The following TMC5 variants were observed in gnomAD, a reference collection of about 807,000 sequenced individuals.
The protein encoded by TMC5 is transmembrane channel like 5, also known as transmembrane channel-like protein 5.
TMC5 carries 86 observed loss-of-function variants against 110.5 expected under a neutral mutation model. The observed-to-expected ratio is 0.78, with a 90% CI of 0.65 to 0.93. The LOEUF is 0.93. TMC5 is among the 40% of genes least tolerant of loss of function. The pLI is 0.00. For missense variants in TMC5, 1,144 were observed against 1,222.8 expected (o/e 0.94, Z 0.96); for synonymous variants, 455 against 439.5 (o/e 1.04, Z -0.44).
chr16:19,469,774 T>C lies in TMC5; in HGVS notation c.1731T>C (p.Thr577=). The C allele has an allele frequency of 6.2e-7, 1 of 1,614,186 alleles. No homozygotes were observed. Among genetic ancestry groups the C allele is most frequent in the Non-Finnish European group, 8.5e-7 (1 of 1,180,018 alleles). ...KLIFCWDFTV[T]HEKAVKLKQK... Reference sequence around the variant, plus strand: ...TCTTTTGCTGGGACTTCACTGTCACTCATGAAAAAGCTGTGAAGCTAAAAC... The same window carrying C: ...TCTTTTGCTGGGACTTCACTGTCACCCATGAAAAAGCTGTGAAGCTAAAAC... The change falls in exon 10 of 22, where the codon ACT becomes ACC. Residue 577 remains threonine (T), a synonymous_variant. Transcript: ENST00000542583.
chr16:19,447,613 C>A (rs1387802405), intron 4 of TMC5, among the ~76,000 whole-genome samples: 1 of 152,026 alleles, frequency 6.6e-6, no homozygotes, highest in Non-Finnish European at 1.5e-5. Context: ...AGACAAAATG[C>A]CCGCTCTTTA....
At chr16:19,481,528 G>C (rs1968619651) in intron 15 of TMC5, 63 bp downstream of exon 15, 1 of 1,209,790 alleles carries the variant, frequency 8.3e-7, no homozygotes, top group African/African-American at 1.5e-5. Context: ...CTGGTGTTTT[G>C]GTGGCAAAGT....
chr16:19,471,910 A>G (rs1219460173), intron 10 of TMC5, among the ~76,000 whole-genome samples, 178 bp from the exon 11 acceptor site: 1 of 151,956 alleles, frequency 6.6e-6, no homozygotes, highest in Non-Finnish European at 1.5e-5. Context: ...ACAGGCATGC[A>G]CCACCACGCC....
chr16:19,492,431 A>T, intron 19 of TMC5: 1 of 396,500 alleles, frequency 2.5e-6, no homozygotes, highest in South Asian at 8.7e-5. Flanking sequence ...GTATTTATTT[A>T]TTTTAATTAT....
At chr16:19,443,951 G>A in intron 3 of TMC5, 130 bp from the exon 4 acceptor site, 2 of 900,794 alleles carry the variant, frequency 2.2e-6, no homozygotes, top group Non-Finnish European at 3.4e-6. Context: ...ATGGATGGAT[G>A]GATGGATAAA....
At chr16:19,486,451 A>ACTGCAACCTCCGCCTCC (rs1968743462) in intron 15 of TMC5, among the ~76,000 whole-genome samples, 1 of 152,118 alleles carries the variant, frequency 6.6e-6, no homozygotes, top group Admixed American at 6.5e-5. Context: ...ATCTCGGCTC[A>ACTGCAACCTCCGCCTCC]CTGCAACCTC....
At chr16:19,455,831 C>T (rs931162815) in intron 5 of TMC5, among the ~76,000 whole-genome samples, 7 of 152,130 alleles carry the variant, frequency 4.6e-5, no homozygotes, top group African/African-American at 9.7e-5. Flanking sequence ...TAGCAGAGTC[C>T]ACTACCTAAG....
chr16:19,494,178 C>T, intron 19 of TMC5, 84 bp from the exon 20 acceptor site: 2 of 1,089,302 alleles, frequency 1.8e-6, no homozygotes, highest in South Asian at 1.4e-5. Flanking sequence ...AACCGACGTT[C>T]TTCCCATCAA....
At position 19,469,729 on chromosome 16, in the gene TMC5, C is replaced by T. The variant is rs1567316980; in HGVS notation, c.1686C>T (p.Ser562=). The T allele has an allele frequency of 5.0e-6, 8 of 1,614,132 alleles. No individual in the cohort carries two copies. The highest frequency in any genetic ancestry group is 6.8e-6 in the Non-Finnish European group (8 of 1,180,006). ...RNNFINPHIY[S]GGITKLIFCW... ...ACTTCATTAATCCCCACATTTACTC[C>T]GGAGGGATCACCAAGCTGATCTTTT... The change falls in exon 10 of 22, where the codon TCC becomes TCT. Residue 562 remains serine (S), a synonymous_variant. Coordinates refer to ENST00000542583, the MANE Select transcript of TMC5 (RefSeq NM_001261841.2).
chr16:19,481,593 G>A, intron 15 of TMC5, 128 bp downstream of exon 15: 1 of 696,580 alleles, frequency 1.4e-6, no homozygotes, highest in Non-Finnish European at 2.6e-6. Context: ...CAGCCAGTCT[G>A]AGAACCATGA....
At chr16:19,443,940 G>GATGGATGGATGGATGGATAA (rs1207002238) in intron 3 of TMC5, 141 bp from the exon 4 acceptor site, 10 of 790,338 alleles carry the variant, frequency 1.3e-5, no homozygotes, top group Non-Finnish European at 1.6e-5. Flanking sequence ...TACATGGATG[G>GATGGATGGATGGATGGATAA]ATGGATGGAT....
intron 2 of TMC5, among the ~76,000 whole-genome samples, chr16:19,436,501 T>C (rs1009960804): frequency 6.6e-6 from 1 of 152,172 alleles, no homozygotes; most frequent in African/African-American, 2.4e-5. Flanking sequence ...AGAATACAAG[T>C]AAACAAATGC....
chr16:19,435,414 A>G (rs1420018865), intron 2 of TMC5, among the ~76,000 whole-genome samples: 3 of 151,920 alleles, frequency 2.0e-5, no homozygotes, highest in Non-Finnish European at 4.4e-5. Flanking sequence ...AGGCAGAAGA[A>G]TGGCGTGAAC....
chr16:19,451,306 C>T lies in TMC5; in HGVS notation c.1048+1675C>T, dbSNP rs142705854. Among the ~76,000 whole-genome samples the T allele has an allele frequency of 9.3e-4, 141 of 152,218 alleles. 1 individual carries two copies. In the East Asian group the frequency reaches 0.019, roughly 20 times the overall value. Reference sequence around the variant, plus strand: ...TAGAACTCTCACCTTTCAGCCCCATCGCCTATAAGATAACCGTTAGCCTCA... The same window carrying T: ...TAGAACTCTCACCTTTCAGCCCCATTGCCTATAAGATAACCGTTAGCCTCA... On this transcript the variant is annotated intron_variant, in intron 5 of 21. Coordinates refer to ENST00000542583, the MANE Select transcript of TMC5 (RefSeq NM_001261841.2).
Position 19,485,766 on chromosome 16 carries a change from C to T in TMC5, c.2364-1179C>T, listed in dbSNP as rs1968725367. Among the ~76,000 whole-genome samples the T allele has an allele frequency of 3.9e-5, 6 of 152,372 alleles. No individual in the cohort carries two copies. The Middle Eastern group carries it at 0.014, about 346-fold the overall frequency. On this transcript the variant is annotated intron_variant, in intron 15 of 21. Coordinates refer to ENST00000542583, the MANE Select transcript of TMC5 (RefSeq NM_001261841.2). ...GCTAAGGCTCTCAGCCCGAAGCCTA[C>T]TCCTTTCTTGTTAAAAAATGGGAGA...
intron 17 of TMC5, among the ~76,000 whole-genome samples, chr16:19,488,116 G>A (rs922795945): frequency 6.6e-6 from 1 of 152,114 alleles, no homozygotes; most frequent in Non-Finnish European, 1.5e-5. Flanking sequence ...TGCGGGTGTG[G>A]GATCTGGATT....
upstream of TMC5, among the ~76,000 whole-genome samples, chr16:19,413,714 G>T (rs1480423268): frequency 1.3e-5 from 2 of 151,926 alleles, no homozygotes; most frequent in Admixed American, 1.3e-4. Context: ...TGCCTGTTCT[G>T]CTTACCATGT....
chr16:19,436,843 G>T (rs751829384), intron 2 of TMC5, among the ~76,000 whole-genome samples: 37 of 152,058 alleles, frequency 2.4e-4, no homozygotes, highest in Middle Eastern at 6.8e-3. Flanking sequence ...TCACTCTTAG[G>T]CCCTTCTCTA....
intron 7 of TMC5, 56 bp from the exon 8 acceptor site, chr16:19,463,720 A>T: frequency 6.3e-7 from 1 of 1,583,424 alleles, no homozygotes; most frequent in Non-Finnish European, 8.6e-7. Context: ...GCACCTGCTC[A>T]GTCGATATTT....
Sources: gnomAD v4.1 joint callset for allele counts (sites outside exome capture counted in the v4.1 genomes callset) on GRCh38, gnomAD v4.1.1 for gene constraint, MANE v1.5 for transcripts, NCBI Gene and HGNC (gene_info 2026-07-23, HGNC 2026-07-21) for gene names.